FERRY3: variants seen among roughly 807,000 people sequenced by gnomAD.
FERRY3 encodes the protein FERRY endosomal RAB5 effector complex subunit 3.
At chr12:4,519,663 C>T in the FERRY3 span, among the ~76,000 whole-genome samples, 7 of 152,262 alleles carry the variant, frequency 4.6e-5, no homozygotes, top group South Asian at 1.0e-3. This position sits in a 1 kb window ranked among gnomAD's most constrained non-coding sequence, Gnocchi z 4.3. Flanking sequence ...ACCCCAATTC[C>T]CCGTACAGGC....
the FERRY3 span, chr12:4,525,597 A>G: frequency 3.2e-6 from 5 of 1,575,254 alleles, no homozygotes; most frequent in African/African-American, 6.8e-5. Flanking sequence ...AAACACAAAT[A>G]AACAAATCAG....
At chr12:4,506,037 C>T in the FERRY3 span, among the ~76,000 whole-genome samples, 2 of 152,012 alleles carry the variant, frequency 1.3e-5, no homozygotes, top group South Asian at 4.2e-4. Flanking sequence ...TGAAGGCACG[C>T]TATTTCTTAG....
chr12:4,533,538 T>C, the FERRY3 span, among the ~76,000 whole-genome samples: 1 of 152,240 alleles, frequency 6.6e-6, no homozygotes, highest in African/African-American at 2.4e-5. Flanking sequence ...TGATGTCATC[T>C]TGGCATTCTC....
the FERRY3 span, among the ~76,000 whole-genome samples, chr12:4,504,325 A>C: frequency 6.6e-6 from 1 of 152,218 alleles, no homozygotes; most frequent in African/African-American, 2.4e-5. Flanking sequence ...GCTATTTCTG[A>C]AACTGTAAAA....
the FERRY3 span, among the ~76,000 whole-genome samples, chr12:4,508,576 C>T: frequency 6.6e-6 from 1 of 152,122 alleles, no homozygotes; most frequent in African/African-American, 2.4e-5. Flanking sequence ...AAAACCCCGT[C>T]TCTATTAAAA....
the FERRY3 span, among the ~76,000 whole-genome samples, chr12:4,515,885 T>C: frequency 1.3e-5 from 2 of 152,168 alleles, no homozygotes; most frequent in East Asian, 3.8e-4. Context: ...TTACAATATC[T>C]GTGTACATTG....
chr12:4,489,639 G>C, the FERRY3 span: 1 of 476,788 alleles, frequency 2.1e-6, no homozygotes, highest in Non-Finnish European at 3.7e-6. Context: ...TCACCAGTTT[G>C]TGCAGTATAT....
chr12:4,523,238 G>C, the FERRY3 span, among the ~76,000 whole-genome samples: 1 of 152,122 alleles, frequency 6.6e-6, no homozygotes, highest in Non-Finnish European at 1.5e-5. Flanking sequence ...AAAAAGAAAA[G>C]CAAAGTAACA....
the FERRY3 span, chr12:4,509,083 T>G: frequency 1.3e-5 from 2 of 151,070 alleles, no homozygotes; most frequent in Admixed American, 6.6e-5. Context: ...TTGCCTCACT[T>G]GGGAAGCGCA....
the FERRY3 span, chr12:4,533,902 C>T: frequency 9.3e-4 from 270 of 291,064 alleles, no homozygotes; most frequent in Non-Finnish European, 1.3e-3. Context: ...TTTTTAATTA[C>T]TAAATCTGGA....
chr12:4,534,279 A>G, the FERRY3 span: 30 of 1,610,206 alleles, frequency 1.9e-5, no homozygotes, highest in Non-Finnish European at 2.5e-5. Flanking sequence ...TCTTCTATAA[A>G]CTGAGTCAGA....
the FERRY3 span, chr12:4,517,245 A>ATT: frequency 7.1e-7 from 1 of 1,413,848 alleles, no homozygotes; most frequent in Non-Finnish European, 9.3e-7. Flanking sequence ...AATATTTAGT[A>ATT]TTTACTTACA....
chr12:4,497,443 T>A, the FERRY3 span, among the ~76,000 whole-genome samples: 1 of 152,204 alleles, frequency 6.6e-6, no homozygotes, highest in Non-Finnish European at 1.5e-5. Flanking sequence ...ATATGGGTGT[T>A]CAGTCTATGA....
At chr12:4,514,964 C>T in the FERRY3 span, among the ~76,000 whole-genome samples, 1 of 147,188 alleles carries the variant, frequency 6.8e-6, no homozygotes, top group Non-Finnish European at 1.5e-5. Context: ...ACAAAGAAAC[C>T]AATATACTTA....
At chr12:4,505,929 T>G in the FERRY3 span, among the ~76,000 whole-genome samples, 6 of 152,190 alleles carry the variant, frequency 3.9e-5, no homozygotes, top group Non-Finnish European at 1.5e-5. Context: ...CTAAAATTTA[T>G]TTCTTACCTG....
the FERRY3 span, among the ~76,000 whole-genome samples, chr12:4,493,957 A>G: frequency 0.19 from 29,393 of 151,902 alleles, 4,369 homozygotes; most frequent in African/African-American, 0.41. Context: ...GCTGGGCATG[A>G]TGGTGGGCGC....
At chr12:4,503,204 C>A in the FERRY3 span, among the ~76,000 whole-genome samples, 1 of 152,042 alleles carries the variant, frequency 6.6e-6, no homozygotes, top group Non-Finnish European at 1.5e-5. Flanking sequence ...CTAATTTTAC[C>A]CATTAATAAA....
the FERRY3 span, among the ~76,000 whole-genome samples, chr12:4,516,299 C>T: frequency 6.6e-6 from 1 of 152,106 alleles, no homozygotes. Context: ...TCACTCAGAA[C>T]CTTGAAGAAA....
the FERRY3 span, among the ~76,000 whole-genome samples, chr12:4,511,729 C>T: frequency 4.7e-5 from 7 of 147,604 alleles, no homozygotes; most frequent in African/African-American, 1.8e-4. Flanking sequence ...CTCTGGGACG[C>T]ATTCAAAGCA....
Sources: allele counts gnomAD v4.1 joint callset (sites outside exome capture counted in the v4.1 genomes callset), GRCh38; gene constraint gnomAD v4.1.1; non-coding constraint Gnocchi (gnomAD v3.1); transcripts MANE v1.5; gene names NCBI Gene and HGNC (gene_info 2026-07-23, HGNC 2026-07-21).